Variants in DENND5A observed in about 807,000 individuals in gnomAD.
The protein encoded by DENND5A is DENN domain-containing protein 5A.
In DENND5A, 64 loss-of-function variants were observed where a neutral mutation model predicts 140.3. The ratio of observed to expected loss-of-function variants is 0.46; its 90% CI spans 0.37 to 0.56. The LOEUF is 0.56. Among genes scored for constraint, DENND5A ranks in the 20% least tolerant of loss-of-function variants. The pLI is 0.00. For missense variants in DENND5A, 1,292 were observed against 1,593.8 expected (o/e 0.81, Z 3.22); for synonymous variants, 605 against 607.7 (o/e 1.00, Z 0.07).
At position 9,207,289 on chromosome 11, in the gene DENND5A, T is replaced by C. The variant is rs1849722579; in HGVS notation, c.181+272A>G. On this transcript the variant is annotated intron_variant, in intron 2 of 22. Coordinates refer to ENST00000328194, the MANE Select transcript of DENND5A (RefSeq NM_015213.4). ...AGGGTAAATCTAATGAGATATTCTG[T>C]CAATTCAGAATTACTTGAAATTTCT... 7.9e-6 allele frequency: 4 copies of C among 503,394 alleles called. No homozygotes were observed. In the East Asian group the frequency reaches 1.6e-4, roughly 20 times the overall value. The allele number at this position is 503,394 out of a possible 1,614,324, so 31.2% of individuals were successfully genotyped here.
intron 1 of DENND5A, among the ~76,000 whole-genome samples, chr11:9,225,827 G>A (rs1850508584): frequency 6.6e-6 from 1 of 152,044 alleles, no homozygotes; most frequent in Admixed American, 6.6e-5. Flanking sequence ...GTTCATGCCT[G>A]TAATCCCAGC....
chr11:9,144,605 A>G (rs1847359886), intron 18 of DENND5A, among the ~76,000 whole-genome samples: 1 of 152,120 alleles, frequency 6.6e-6, no homozygotes, highest in African/African-American at 2.4e-5. Context: ...AGCCTGGTCA[A>G]TATGGCGAAA....
At position 9,225,692 on chromosome 11, in the gene DENND5A, G is replaced by A. The variant is rs555555157; in HGVS notation, c.110-18060C>T. On this transcript the variant is annotated intron_variant, in intron 1 of 22. Coordinates refer to ENST00000328194, the MANE Select transcript of DENND5A (RefSeq NM_015213.4). ...CAGGGGAATCACTTGAACCTGGGAG[G>A]TGGAAGTTACAGTGAACCAAGATCA... Among the ~76,000 whole-genome samples the A allele has an allele frequency of 2.2e-3, 335 of 152,292 alleles. 2 individuals are homozygous for A. Among genetic ancestry groups the A allele is most frequent in the African/African-American group, 7.7e-3 (321 of 41,568 alleles).
intron 16 of DENND5A, chr11:9,146,796 A>T (rs1847445813): frequency 2.1e-6 from 1 of 481,368 alleles, no homozygotes; most frequent in Admixed American, 3.5e-5. Context: ...GACAACACCG[A>T]CAACACAATG....
intron 1 of DENND5A, among the ~76,000 whole-genome samples, chr11:9,244,838 T>C (rs1851395952): frequency 6.6e-6 from 1 of 151,988 alleles, no homozygotes; most frequent in African/African-American, 2.4e-5. Flanking sequence ...CCCAGAAAGC[T>C]AATGTTTGTA....
intron 16 of DENND5A, among the ~76,000 whole-genome samples, chr11:9,146,594 C>A (rs191707772): frequency 6.6e-6 from 1 of 152,376 alleles, no homozygotes; most frequent in Non-Finnish European, 1.5e-5. Flanking sequence ...ATCTGGAGTT[C>A]TTTCTGCTAC....
In DENND5A at chr11:9,229,899, CTTTTTTTTTTTTTTTTTTT is replaced by C. The variant is rs71062816; in HGVS notation, c.110-22286_110-22268del. Among the ~76,000 whole-genome samples, 9 of 64,910 alleles carry C rather than the reference CTTTTTTTTTTTTTTTTTTT, an allele frequency of 1.4e-4. No individual in the cohort carries two copies. In the East Asian group the frequency reaches 4.4e-3, roughly 32 times the overall value. 42.6% of individuals were successfully genotyped at this position (64,910 alleles called of 152,430 possible). On this transcript the variant is annotated intron_variant, in intron 1 of 22. Coordinates refer to ENST00000328194, the MANE Select transcript of DENND5A (RefSeq NM_015213.4). The stretch of plus-strand genomic sequence containing the variant: ...TCTTCATTTCTGAAAGCTCCCATTT[CTTTTTTTTTTTTTTTTTTT>C]TTTTTTGAGACAGTCTTGCTCTGTC...
chr11:9,217,563 CAG>C (rs1157384500), intron 1 of DENND5A, among the ~76,000 whole-genome samples: 1 of 152,020 alleles, frequency 6.6e-6, no homozygotes, highest in Admixed American at 6.6e-5. Context: ...CGTATGGAGA[CAG>C]AAAGTAGATT....
intron 1 of DENND5A, among the ~76,000 whole-genome samples, chr11:9,253,007 C>T (rs532516412): frequency 1.2e-4 from 18 of 147,906 alleles, no homozygotes; most frequent in African/African-American, 4.3e-4. Flanking sequence ...TACACCACTA[C>T]ACCAGGCTAA....
At chr11:9,179,172 G>A in intron 6 of DENND5A, 99 bp from the exon 7 acceptor site, 1 of 1,017,796 alleles carries the variant, frequency 9.8e-7, no homozygotes, top group Non-Finnish European at 1.5e-6. Flanking sequence ...TTTTTACAGT[G>A]CTAATTTACT....
chr11:9,210,115 AAG>A (rs1849825492), intron 1 of DENND5A, among the ~76,000 whole-genome samples: 2 of 152,134 alleles, frequency 1.3e-5, no homozygotes, highest in Non-Finnish European at 2.9e-5. Flanking sequence ...TCAAAAAAAA[AAG>A]AGAAGAAACA....
chr11:9,165,965 C>G lies in DENND5A; in HGVS notation c.2154G>C (p.Lys718Asn), dbSNP rs780672339. Residue 718 changes from lysine (K) to asparagine (N), a missense_variant and splice_region_variant, in exon 11 of 23, where the codon AAG becomes AAC. Lys to Asn is a moderately conservative substitution (Grantham distance 94, BLOSUM62 0). Coordinates refer to ENST00000328194, the MANE Select transcript of DENND5A (RefSeq NM_015213.4). Reference protein sequence around the residue: ...HLRLDNDQREKYIQEARTMGS... With the variant: ...HLRLDNDQRENYIQEARTMGS... ...CCATAGTCCTGGCTTCCTGGATGTA[C>G]TTCTATATCAAACAGAAAAATAAAG... 1 of 1,614,062 alleles carries G rather than the reference C, an allele frequency of 6.2e-7. No individual in the cohort carries two copies. The highest frequency in any genetic ancestry group is 8.5e-7 in the Non-Finnish European group (1 of 1,179,940).
At chr11:9,261,143 G>A (rs990722551) in intron 1 of DENND5A, among the ~76,000 whole-genome samples, 11 of 152,120 alleles carry the variant, frequency 7.2e-5, no homozygotes, top group African/African-American at 4.8e-5. Context: ...GAGCTACTGC[G>A]CCCAGCCTCC....
intron 12 of DENND5A, among the ~76,000 whole-genome samples, chr11:9,157,517 T>A (rs1847849350): frequency 6.6e-6 from 1 of 152,178 alleles, no homozygotes; most frequent in Non-Finnish European, 1.5e-5. Flanking sequence ...TGGTGCCTGT[T>A]GTTCCCTTCT....
intron 13 of DENND5A, among the ~76,000 whole-genome samples, chr11:9,151,667 C>G (rs1023735316): frequency 6.6e-6 from 1 of 152,116 alleles, no homozygotes; most frequent in African/African-American, 2.4e-5. Flanking sequence ...GGGAGATGCA[C>G]CCAAGAAGTA....
chr11:9,187,567 G>A lies in DENND5A; in HGVS notation c.1137+5927C>T, dbSNP rs954429034. Among the ~76,000 whole-genome samples, 3 of 152,142 alleles carry A rather than the reference G, an allele frequency of 2.0e-5. No homozygotes were observed. In the South Asian group the frequency reaches 6.2e-4, roughly 32 times the overall value. ...TATCCTCATGTTATTCATTGAAAAG[G>A]AGTTCAACACACAGATGACTGGGAA... On this transcript the variant is annotated intron_variant, in intron 5 of 22. Transcript: ENST00000328194.
At chr11:9,233,691 G>A (rs1338646792) in intron 1 of DENND5A, among the ~76,000 whole-genome samples, 2 of 152,046 alleles carry the variant, frequency 1.3e-5, no homozygotes, top group African/African-American at 4.8e-5. Flanking sequence ...CGATTAGGGT[G>A]GTGTAGTCAG....
chr11:9,200,495 A>T (rs1849486414), intron 4 of DENND5A, among the ~76,000 whole-genome samples: 1 of 152,260 alleles, frequency 6.6e-6, no homozygotes, highest in South Asian at 2.1e-4. Context: ...TTTAAAAAGA[A>T]CATTATTGCC....
chr11:9,246,944 G>C (rs1174960065), intron 1 of DENND5A, among the ~76,000 whole-genome samples: 1 of 151,942 alleles, frequency 6.6e-6, no homozygotes, highest in Non-Finnish European at 1.5e-5. Context: ...AAAAACCCTT[G>C]CCTTGGCCGG....
Sources: allele counts gnomAD v4.1 joint callset (sites outside exome capture counted in the v4.1 genomes callset), GRCh38; gene constraint gnomAD v4.1.1; transcripts MANE v1.5; gene names NCBI Gene and HGNC (gene_info 2026-07-23, HGNC 2026-07-21).